Variants in RANBP2 observed in about 807,000 individuals in gnomAD.
The protein encoded by RANBP2 is RAN binding protein 2, also known as E3 SUMO-protein ligase RanBP2.
RANBP2 carries 57 observed loss-of-function variants against 303.6 expected under a neutral mutation model. That is an observed-to-expected ratio of 0.19 (90% confidence interval 0.15 to 0.23). The LOEUF (loss-of-function observed/expected upper bound fraction) is 0.23. RANBP2 is among the 10% of genes least tolerant of loss of function. The probability of loss-of-function intolerance (pLI) is 1.00; values close to 1 mark genes in which losing one functional copy is unlikely to be tolerated. For missense variants in RANBP2, 3,138 were observed against 3,780.8 expected (o/e 0.83, Z 4.46); for synonymous variants, 1,167 against 1,301.5 (o/e 0.90, Z 2.23).
chr2:109,544,965 T>C, the RANBP2 span: 34 of 985,162 alleles, frequency 3.5e-5, no homozygotes, highest in Non-Finnish European at 4.0e-5. Context: ...CTGTAAAATA[T>C]ATAAGCCAAT....
the RANBP2 span, among the ~76,000 whole-genome samples, chr2:109,548,459 C>T: frequency 6.6e-6 from 1 of 152,062 alleles, no homozygotes; most frequent in Non-Finnish European, 1.5e-5. Flanking sequence ...CGGAGGTTTA[C>T]ACGCATGAGC....
chr2:108,979,173 G>A, the RANBP2 span, among the ~76,000 whole-genome samples: 1,090 of 152,276 alleles, frequency 7.2e-3, 8 homozygotes, highest in South Asian at 0.028. Flanking sequence ...TCCACTGCCC[G>A]AGTACTTGAC....
At chr2:108,979,425 TC>T in the RANBP2 span, among the ~76,000 whole-genome samples, 1 of 35,930 alleles carries the variant, frequency 2.8e-5, no homozygotes, top group African/African-American at 7.2e-5. Context: ...GGTTGCTGTC[TC>T]TCTCTCTCTT....
chr2:109,152,775 C>T, the RANBP2 span, among the ~76,000 whole-genome samples: 1 of 152,172 alleles, frequency 6.6e-6, no homozygotes, highest in African/African-American at 2.4e-5. Flanking sequence ...TGTCCCCTCC[C>T]AGGCCCGATG....
At chr2:109,626,507 C>A in the RANBP2 span, among the ~76,000 whole-genome samples, 1 of 151,792 alleles carries the variant, frequency 6.6e-6, no homozygotes, top group Admixed American at 6.6e-5. Flanking sequence ...CAAACAAATG[C>A]CCCTGAGAAG....
the RANBP2 span, among the ~76,000 whole-genome samples, chr2:109,054,305 C>T: frequency 6.6e-6 from 1 of 152,174 alleles, no homozygotes; most frequent in Middle Eastern, 3.2e-3. Flanking sequence ...CCCTGCTCTC[C>T]CCAGGGCATC....
the RANBP2 span, chr2:108,883,836 A>T: frequency 6.6e-6 from 1 of 152,254 alleles, no homozygotes; most frequent in African/African-American, 2.4e-5. Context: ...CCCCTTTATA[A>T]ATTACGCACC....
At chr2:109,305,214 T>TC in the RANBP2 span, among the ~76,000 whole-genome samples, 4 of 152,324 alleles carry the variant, frequency 2.6e-5, no homozygotes, top group East Asian at 1.9e-4. Context: ...TATATCTCTT[T>TC]CTCAGCTGGT....
At chr2:109,736,071 T>C in the RANBP2 span, among the ~76,000 whole-genome samples, 3 of 152,220 alleles carry the variant, frequency 2.0e-5, no homozygotes, top group Admixed American at 1.3e-4. Context: ...GCAAGTTCTT[T>C]TAAAAACATG....
At chr2:108,894,476 TTAATG>T in the RANBP2 span, 741 of 152,614 alleles carry the variant, frequency 4.9e-3, 1 homozygote, top group Non-Finnish European at 7.9e-3. Context: ...ATAAATCTTA[TTAATG>T]TGTTTATTGA....
the RANBP2 span, among the ~76,000 whole-genome samples, chr2:108,867,098 C>G: frequency 4.3e-4 from 65 of 151,952 alleles, no homozygotes; most frequent in East Asian, 0.01. Context: ...AGAACTGTTC[C>G]ACTAGCTTAG....
rs1170430042 is a variant in RANBP2, at chr2:108,719,525, A to C, written c.-82A>C. On this transcript the variant is annotated 5_prime_UTR_variant, in exon 1 of 29. Transcript: ENST00000283195. ...CTACGGCGCTGCGTCACTGGTTTGC[A>C]GGCGCTTTCCTCTTGGAAGTGGCGA... 1.9e-5 allele frequency: 30 copies of C among 1,548,140 alleles called. No homozygotes were observed. The highest frequency in any genetic ancestry group is 2.6e-5 in the Non-Finnish European group (30 of 1,146,878).
chr2:109,143,679 A>G, the RANBP2 span, among the ~76,000 whole-genome samples: 127 of 152,206 alleles, frequency 8.3e-4, no homozygotes, highest in African/African-American at 2.7e-3. Flanking sequence ...TCTTAAGCCC[A>G]GGAGGTTGAG....
At chr2:108,935,791 T>C in the RANBP2 span, among the ~76,000 whole-genome samples, 3 of 152,160 alleles carry the variant, frequency 2.0e-5, no homozygotes, top group Admixed American at 1.3e-4. Flanking sequence ...ACAGATAGGG[T>C]CCCTGCTCTA....
At chr2:109,583,058 C>T in the RANBP2 span, among the ~76,000 whole-genome samples, 5 of 152,110 alleles carry the variant, frequency 3.3e-5, no homozygotes, top group African/African-American at 1.2e-4. Flanking sequence ...AATGTAAGAC[C>T]TCAAATAAAA....
downstream of RANBP2, chr2:108,786,872 G>A (rs1678866987): frequency 6.3e-7 from 1 of 1,580,644 alleles, no homozygotes; most frequent in Non-Finnish European, 8.6e-7. Flanking sequence ...GTAGTGGAGA[G>A]TCTCAAAAGC....
the RANBP2 span, chr2:109,545,237 T>C: frequency 5.2e-6 from 7 of 1,351,794 alleles, no homozygotes; most frequent in Non-Finnish European, 5.7e-6. Flanking sequence ...CAAGGCATGA[T>C]GAATTTCCTC....
chr2:108,948,790 G>T, the RANBP2 span, among the ~76,000 whole-genome samples: 1 of 152,128 alleles, frequency 6.6e-6, no homozygotes, highest in Admixed American at 6.5e-5. Flanking sequence ...GATGAGATTT[G>T]GCTGGGGACA....
At chr2:109,274,576 A>G in the RANBP2 span, among the ~76,000 whole-genome samples, 9 of 152,264 alleles carry the variant, frequency 5.9e-5, no homozygotes, top group African/African-American at 1.9e-4. Flanking sequence ...AGTATCCAGA[A>G]TAGGTAAATC....
Sources: gnomAD v4.1 joint callset for allele counts (sites outside exome capture counted in the v4.1 genomes callset) on GRCh38, gnomAD v4.1.1 for gene constraint, MANE v1.5 for transcripts, NCBI Gene and HGNC (gene_info 2026-07-23, HGNC 2026-07-21) for gene names.